Variants in ADAMTS2 observed in about 807,000 individuals in gnomAD.
The protein encoded by ADAMTS2 is A disintegrin and metalloproteinase with thrombospondin motifs 2.
In ADAMTS2, 50 loss-of-function variants were observed where a neutral mutation model predicts 123.0. That is an observed-to-expected ratio of 0.41 (90% confidence interval 0.32 to 0.51). ADAMTS2 has a LOEUF of 0.51. ADAMTS2 is among the 20% of genes least tolerant of loss of function. The pLI, the probability that ADAMTS2 is intolerant of heterozygous loss-of-function variation, is 0.35. For synonymous variants in ADAMTS2, 678 were observed against 695.4 expected, an observed-to-expected ratio of 0.98 and a Z score of 0.39; for missense variants, 1,494 against 1,705.2, an observed-to-expected ratio of 0.88 and a Z score of 2.18.
rs1231619585 is a variant in ADAMTS2 at position 179,207,648 on chromosome 5, G to C, written c.756C>G (p.Ser252Arg). The change falls in exon 4 of 22, where the codon AGC (serine) becomes AGG (arginine). Residue 252 changes from serine (S) to arginine (R), a missense_variant. Ser to Arg is a moderately radical substitution (Grantham distance 110). Transcript: ENST00000251582. ...ALGVLEEHAN[S>R]SRRRARRHAA... is the part of the protein sequence containing the mutation. ...CATGCCTGCGTGCCCTCCGCCTCGA[G>C]CTGTTGGCGTGCTCCTCTAGGACGC... 1.9e-6 allele frequency: 3 copies of C among 1,613,744 alleles called. No individual in the cohort carries two copies. The highest frequency in any genetic ancestry group is 2.5e-6 in the Non-Finnish European group (3 of 1,180,034).
At chr5:179,298,682 G>C (rs1391861158) in intron 2 of ADAMTS2, among the ~76,000 whole-genome samples, 2 of 152,188 alleles carry the variant, frequency 1.3e-5, no homozygotes, top group Non-Finnish European at 2.9e-5. Flanking sequence ...AGAAATGCTA[G>C]AGGGGTTGAG....
At chr5:179,302,960 G>A (rs1166880008) in intron 2 of ADAMTS2, among the ~76,000 whole-genome samples, 4 of 141,808 alleles carry the variant, frequency 2.8e-5, no homozygotes, top group Non-Finnish European at 6.5e-5. Context: ...GCAGAGTGGT[G>A]GGCCTGGGTG....
At chr5:179,237,811 G>A (rs1158985409) in intron 3 of ADAMTS2, among the ~76,000 whole-genome samples, 1 of 152,148 alleles carries the variant, frequency 6.6e-6, no homozygotes, top group Admixed American at 6.5e-5. Flanking sequence ...CTTGATCCCT[G>A]GATTCACCAG....
intron 3 of ADAMTS2, among the ~76,000 whole-genome samples, chr5:179,251,300 C>A (rs1765918341): frequency 6.6e-6 from 1 of 152,140 alleles, no homozygotes; most frequent in Admixed American, 6.5e-5. Flanking sequence ...TTGTTATCTC[C>A]AAAAAGTCTC....
rs1158787107 is a variant in ADAMTS2 at position 179,307,772 on chromosome 5, T to G, written c.535-34708A>C. On this transcript the variant is annotated intron_variant, in intron 2 of 21. Coordinates refer to ENST00000251582, the MANE Select transcript of ADAMTS2 (RefSeq NM_014244.5). This position sits in a 1 kb window ranked among gnomAD's most constrained non-coding sequence, Gnocchi z 5.6. ...GCTGCCTCCACCTGGAATGGCCTTC[T>G]TCCAGAAGTCCAGGTCCTAGCTCCG... Among the ~76,000 whole-genome samples the G allele has an allele frequency of 1.3e-5, 2 of 152,192 alleles. No individual in the cohort carries two copies. Among genetic ancestry groups the G allele is most frequent in the African/African-American group, 4.8e-5 (2 of 41,440 alleles).
At chr5:179,279,225 T>C (rs551515642) in intron 2 of ADAMTS2, among the ~76,000 whole-genome samples, 1 of 152,070 alleles carries the variant, frequency 6.6e-6, no homozygotes, top group East Asian at 1.9e-4. Context: ...CAATCAAGCA[T>C]AGAAGGCACA....
intron 13 of ADAMTS2, among the ~76,000 whole-genome samples, chr5:179,135,056 CT>C (rs1561771972): frequency 2.7e-5 from 2 of 73,792 alleles, no homozygotes; most frequent in African/African-American, 4.6e-5. Flanking sequence ...CCGGCTCCAG[CT>C]CCCAGCTCCC....
At chr5:179,329,622 A>T (rs537137422) in intron 2 of ADAMTS2, among the ~76,000 whole-genome samples, 1 of 152,322 alleles carries the variant, frequency 6.6e-6, no homozygotes, top group Non-Finnish European at 1.5e-5. Flanking sequence ...AAAGGCTGAT[A>T]CTTTTCTACA....
At chr5:179,142,435 C>T (rs1306259841) in intron 10 of ADAMTS2, among the ~76,000 whole-genome samples, 1 of 152,202 alleles carries the variant, frequency 6.6e-6, no homozygotes, top group Admixed American at 6.5e-5. Flanking sequence ...ACCTCAGATA[C>T]TGGCAACACC....
rs760424301 is a variant in ADAMTS2, at chr5:179,121,757, G to A, written c.3089-7C>T. 2 of 1,547,482 alleles carry A rather than the reference G, an allele frequency of 1.3e-6. No individual in the cohort carries two copies. The highest frequency in any genetic ancestry group is 2.5e-5 in the East Asian group (1 of 40,776). On this transcript the variant is annotated splice_polypyrimidine_tract_variant and splice_region_variant and intron_variant, in intron 20 of 21. Transcript: ENST00000251582. ...GAGGGATCTGAGATGTTTCCTAGAG[G>A]GAGGAGAGAGGGGCTGCGGCCGCAG...
chr5:179,212,961 C>T (rs915425684), intron 3 of ADAMTS2, among the ~76,000 whole-genome samples: 2 of 152,098 alleles, frequency 1.3e-5, no homozygotes, highest in Admixed American at 6.5e-5. Context: ...AATTTAGGCC[C>T]CCTGAAAGAC....
intron 4 of ADAMTS2, among the ~76,000 whole-genome samples, chr5:179,204,192 G>T (rs1282800813): frequency 6.6e-6 from 1 of 152,302 alleles, no homozygotes; most frequent in Middle Eastern, 3.4e-3. Flanking sequence ...GAGTCGGGGG[G>T]AGGGGAGGAA....
At chr5:179,232,391 G>T (rs1765428648) in intron 3 of ADAMTS2, among the ~76,000 whole-genome samples, 1 of 152,216 alleles carries the variant, frequency 6.6e-6, no homozygotes, top group African/African-American at 2.4e-5. Flanking sequence ...CGCAGCAGCT[G>T]TGTGAGTTAG....
chr5:179,132,635 C>T lies in ADAMTS2; in HGVS notation c.2209+142G>A. ...GTCCCCGACTTAGGATTCTCCCTCCCCCTCAGTGTCACAGACCTCTCCCCC... is the reference window on the plus strand; with the variant it reads ...GTCCCCGACTTAGGATTCTCCCTCCTCCTCAGTGTCACAGACCTCTCCCCC... On this transcript the variant is annotated intron_variant, in intron 14 of 21. Transcript: ENST00000251582. This position sits in a 1 kb window ranked among gnomAD's most constrained non-coding sequence, Gnocchi z 6.1. 1.6e-6 allele frequency: 2 copies of T among 1,227,352 alleles called. No individual in the cohort carries two copies. Among genetic ancestry groups the T allele is most frequent in the Non-Finnish European group, 2.3e-6 (2 of 851,754 alleles). The allele number at this position is 1,227,352 out of a possible 1,614,324, so 76.0% of individuals were successfully genotyped here. A position where few individuals can be genotyped will look rare whatever the true frequency, so the allele number is the denominator to read the frequency against.
intron 13 of ADAMTS2, among the ~76,000 whole-genome samples, chr5:179,134,747 C>T (rs1035869445): frequency 3.3e-5 from 4 of 122,682 alleles, no homozygotes; most frequent in Non-Finnish European, 7.8e-5. Context: ...AGCTCCAGCT[C>T]CCGGCTCCAG....
chr5:179,243,507 G>A (rs1018890403), intron 3 of ADAMTS2, among the ~76,000 whole-genome samples: 1 of 152,188 alleles, frequency 6.6e-6, no homozygotes, highest in Non-Finnish European at 1.5e-5. Flanking sequence ...TACAGACTTT[G>A]TGAAAACAGT....
rs959874051 is a variant in ADAMTS2 at position 179,312,747 on chromosome 5, C to T, written c.534+31020G>A. Among the ~76,000 whole-genome samples, 1 of 152,254 alleles carries T rather than the reference C, an allele frequency of 6.6e-6. No homozygotes were observed. The highest frequency in any genetic ancestry group is 6.5e-5 in the Admixed American group (1 of 15,288). ...ACAAGCCAAGCACTGCTGGCTGCCA[C>T]GAGGACCTGGAAGAGCCCAGGACGC... On this transcript the variant is annotated intron_variant, in intron 2 of 21. Transcript: ENST00000251582. The surrounding 1 kb of genome is among the most constrained non-coding windows in gnomAD (Gnocchi z 4.2).
At chr5:179,165,082 G>A (rs894545766) in intron 5 of ADAMTS2, among the ~76,000 whole-genome samples, 5 of 152,338 alleles carry the variant, frequency 3.3e-5, no homozygotes, top group South Asian at 2.1e-4. Context: ...AGGTCTCTCC[G>A]CTGAGACCTC....
intron 19 of ADAMTS2, among the ~76,000 whole-genome samples, chr5:179,123,988 A>G (rs1043724096): frequency 2.0e-5 from 3 of 152,138 alleles, no homozygotes; most frequent in African/African-American, 7.2e-5. Flanking sequence ...AGCATTTCAC[A>G]TGCATTGCCA....
Sources: gnomAD v4.1 joint callset for allele counts (sites outside exome capture counted in the v4.1 genomes callset) on GRCh38, gnomAD v4.1.1 for gene constraint, Gnocchi (gnomAD v3.1) non-coding constraint, MANE v1.5 for transcripts, NCBI Gene and HGNC (gene_info 2026-07-23, HGNC 2026-07-21) for gene names.